Variants in AGBL1 observed in about 807,000 individuals in gnomAD.
AGBL1 encodes cytosolic carboxypeptidase 4.
In AGBL1, 130 loss-of-function variants were observed where a neutral mutation model predicts 118.9. The ratio of observed to expected loss-of-function variants is 1.09; its 90% CI spans 0.95 to 1.26. AGBL1 has a LOEUF of 1.26. Among genes scored for constraint, AGBL1 ranks in the 50% most tolerant of loss-of-function variants. The pLI is 0.00. For missense variants in AGBL1, 1,584 were observed against 1,298.1 expected (o/e 1.22, Z -3.38); for synonymous variants, 555 against 478.9 (o/e 1.16, Z -2.08).
chr15:86,271,961 A>C (rs1222155072), intron 15 of AGBL1, among the ~76,000 whole-genome samples: 1 of 152,184 alleles, frequency 6.6e-6, no homozygotes, highest in Non-Finnish European at 1.5e-5. Flanking sequence ...AAACTTTTAG[A>C]TCTTGTTGTC....
At chr15:86,711,188 T>C (rs138907898) in intron 22 of AGBL1, among the ~76,000 whole-genome samples, 1 of 152,190 alleles carries the variant, frequency 6.6e-6, no homozygotes, top group Non-Finnish European at 1.5e-5. Flanking sequence ...TCAAGTGTTT[T>C]CCTCTCTGTA....
At chr15:86,457,349 T>C (rs1049184837) in intron 18 of AGBL1, among the ~76,000 whole-genome samples, 3 of 152,140 alleles carry the variant, frequency 2.0e-5, no homozygotes, top group Non-Finnish European at 2.9e-5. Context: ...AATTTTTCCC[T>C]CTAGTAAAGA....
At chr15:86,989,517 G>A (rs2081317634) in intron 24 of AGBL1, among the ~76,000 whole-genome samples, 1 of 152,048 alleles carries the variant, frequency 6.6e-6, no homozygotes, top group African/African-American at 2.4e-5. Context: ...AATCTGCTAA[G>A]ATGGGAAATG....
At chr15:86,327,427 C>A (rs886716093) in intron 17 of AGBL1, among the ~76,000 whole-genome samples, 1 of 152,184 alleles carries the variant, frequency 6.6e-6, no homozygotes, top group Non-Finnish European at 1.5e-5. Context: ...ACATCTCTGA[C>A]TCATTCTCTG....
At chr15:86,833,220 T>C (rs1487776579) in intron 22 of AGBL1, among the ~76,000 whole-genome samples, 1 of 152,060 alleles carries the variant, frequency 6.6e-6, no homozygotes, top group Admixed American at 6.5e-5. Context: ...ACCCATTTAA[T>C]GGCAAAAAGA....
intron 18 of AGBL1, among the ~76,000 whole-genome samples, chr15:86,466,250 G>GATA (rs1309580405): frequency 6.6e-6 from 1 of 151,982 alleles, no homozygotes; most frequent in Non-Finnish European, 1.5e-5. Context: ...TTGATCTTCA[G>GATA]TCTCTGATAT....
chr15:86,653,340 G>T (rs900773991), intron 21 of AGBL1, among the ~76,000 whole-genome samples: 1 of 152,090 alleles, frequency 6.6e-6, no homozygotes. Context: ...CCTGCCACCC[G>T]GAGTACAAGA....
At chr15:86,519,600 A>G (rs1422399985) in intron 18 of AGBL1, among the ~76,000 whole-genome samples, 2 of 152,212 alleles carry the variant, frequency 1.3e-5, no homozygotes, top group African/African-American at 4.8e-5. Context: ...TGTACATATT[A>G]TAATAACCTG....
At chr15:86,426,877 T>C (rs753570211) in intron 18 of AGBL1, among the ~76,000 whole-genome samples, 2 of 152,210 alleles carry the variant, frequency 1.3e-5, no homozygotes, top group Non-Finnish European at 1.5e-5. Flanking sequence ...GTGTTTCTCC[T>C]GCCTCAGCCT....
intron 1 of AGBL1, among the ~76,000 whole-genome samples, chr15:86,126,373 C>A (rs1258526992): frequency 1.3e-5 from 2 of 152,148 alleles, no homozygotes; most frequent in Admixed American, 6.5e-5. Flanking sequence ...TTATTGACAA[C>A]CAAGAATCCA....
chr15:86,203,708 TTGAC>T lies in AGBL1; in HGVS notation c.489-21203_489-21200del, dbSNP rs144461690. On this transcript the variant is annotated intron_variant, in intron 5 of 22. Transcript: ENST00000614907. ...TTCAAAAATTTGTTGAGGTATTTGT[TTGAC>T]TGGTGACTTCCCCTTGCCATTACCT... is the stretch of plus-strand genomic sequence containing the variant. Among the ~76,000 whole-genome samples the T allele has an allele frequency of 3.9e-3, 595 of 152,350 alleles. 7 individuals are homozygous for T. Among genetic ancestry groups the T allele is most frequent in the African/African-American group, 0.014 (562 of 41,582 alleles).
At chr15:86,610,588 G>A (rs1486509875) in intron 21 of AGBL1, among the ~76,000 whole-genome samples, 1 of 152,124 alleles carries the variant, frequency 6.6e-6, no homozygotes, top group Non-Finnish European at 1.5e-5. Flanking sequence ...ATACAGTTTA[G>A]AGTTTAAAAT....
At chr15:86,605,720 C>A (rs528654408) in intron 21 of AGBL1, among the ~76,000 whole-genome samples, 1 of 151,816 alleles carries the variant, frequency 6.6e-6, no homozygotes, top group Non-Finnish European at 1.5e-5. Flanking sequence ...GCAAAAAGTT[C>A]ATATTTTACT....
At chr15:86,752,310 G>A (rs983310130) in intron 22 of AGBL1, among the ~76,000 whole-genome samples, 1 of 152,032 alleles carries the variant, frequency 6.6e-6, no homozygotes, top group African/African-American at 2.4e-5. Flanking sequence ...CAGTCTCATT[G>A]GAACTAGCAT....
Position 86,785,605 on chromosome 15 carries a change from C to T in AGBL1, c.3158+111169C>T, listed in dbSNP as rs952480609. 1.3e-4 allele frequency among the ~76,000 whole-genome samples: 20 copies of T among 151,890 alleles called. No individual in the cohort carries two copies. The East Asian group carries it at 3.7e-3, about 28-fold the overall frequency. On this transcript the variant is annotated intron_variant, in intron 22 of 22. Coordinates refer to ENST00000614907, the MANE Select transcript of AGBL1 (RefSeq NM_001386094.1). ...CTGGTCTCGAACTCCTGGCCTCAGG[C>T]GATCCACCCGCCTTGGCCCCCCGAA...
intron 18 of AGBL1, among the ~76,000 whole-genome samples, chr15:86,427,361 C>T (rs1009478672): frequency 4.6e-5 from 7 of 152,118 alleles, no homozygotes; most frequent in African/African-American, 1.7e-4. Flanking sequence ...TGTTTTAGTA[C>T]ATACTGTGTG....
intron 1 of AGBL1, among the ~76,000 whole-genome samples, chr15:86,107,885 T>C (rs556883671): frequency 9.1e-4 from 139 of 152,180 alleles, no homozygotes; most frequent in African/African-American, 3.2e-3. Flanking sequence ...TCCATATGGG[T>C]TCCAATTTGT....
At chr15:86,156,252 G>A (rs1650001237) in intron 4 of AGBL1, among the ~76,000 whole-genome samples, 1 of 152,108 alleles carries the variant, frequency 6.6e-6, no homozygotes, top group Non-Finnish European at 1.5e-5. Flanking sequence ...ACAATTTGGA[G>A]CTCAGGATGT....
chr15:86,954,272 C>T (rs896279471), intron 23 of AGBL1, among the ~76,000 whole-genome samples: 4 of 152,110 alleles, frequency 2.6e-5, no homozygotes, highest in African/African-American at 4.8e-5. Context: ...AGGTACCATT[C>T]GACTTGGCAA....
Sources: allele counts gnomAD v4.1 joint callset (sites outside exome capture counted in the v4.1 genomes callset), GRCh38; gene constraint gnomAD v4.1.1; transcripts MANE v1.5; gene names NCBI Gene and HGNC (gene_info 2026-07-23, HGNC 2026-07-21).